Variants in CNTN4 observed in about 807,000 individuals in gnomAD.
CNTN4 encodes contactin 4, also known as contactin-4.
CNTN4 carries 77 observed loss-of-function variants against 122.5 expected under a neutral mutation model. That is an observed-to-expected ratio of 0.63 (90% CI 0.52 to 0.76). The LOEUF is 0.76. Among genes scored for constraint, CNTN4 ranks in the 30% least tolerant of loss-of-function variants. The pLI, the probability that CNTN4 is intolerant of heterozygous loss-of-function variation, is 0.00. For missense variants in CNTN4, 1,256 were observed against 1,259.1 expected, an observed-to-expected ratio of 1.00 and a Z score of 0.04; for synonymous variants, 512 against 447.0, an observed-to-expected ratio of 1.15 and a Z score of -1.83.
At position 2,520,259 on chromosome 3, in the gene CNTN4, C is replaced by CTTTTTT. The variant is rs397988483; in HGVS notation, c.-88-51131_-88-51126dup. Among the ~76,000 whole-genome samples, 152 of 74,464 alleles carry CTTTTTT rather than the reference C, an allele frequency of 2.0e-3. 18 individuals are homozygous for CTTTTTT. Among genetic ancestry groups the CTTTTTT allele is most frequent in the African/African-American group, 8.8e-3 (122 of 13,848 alleles). The allele number at this position is 74,464 out of a possible 152,430, so 48.9% of individuals were successfully genotyped here. A position where few individuals can be genotyped will look rare whatever the true frequency, so the allele number is the denominator to read the frequency against. ...AAAAAGATAGGTTGGTGATTGCTTC[C>CTTTTTT]TTTTTTTTTTTTTTTTTTTTTTTTT... On this transcript the variant is annotated intron_variant, in intron 3 of 24. Coordinates refer to ENST00000418658, the MANE Select transcript of CNTN4 (RefSeq NM_175607.3).
At chr3:2,214,941 A>T (rs890498519) in intron 2 of CNTN4, among the ~76,000 whole-genome samples, 2 of 152,248 alleles carry the variant, frequency 1.3e-5, no homozygotes, top group Admixed American at 1.3e-4. Flanking sequence ...ACTAAATTAT[A>T]AATATTCAAA....
intron 6 of CNTN4, among the ~76,000 whole-genome samples, chr3:2,790,971 T>C (rs747447753): frequency 6.6e-6 from 1 of 152,084 alleles, no homozygotes; most frequent in Non-Finnish European, 1.5e-5. Flanking sequence ...TTAATACTTG[T>C]CTTCTCTGCT....
intron 2 of CNTN4, among the ~76,000 whole-genome samples, chr3:2,178,535 C>T (rs551363545): frequency 6.5e-4 from 99 of 152,050 alleles, no homozygotes; most frequent in African/African-American, 2.3e-3. Flanking sequence ...TTATGTTAGG[C>T]TTGAATCAAT....
intron 6 of CNTN4, among the ~76,000 whole-genome samples, chr3:2,783,665 G>C (rs2091697049): frequency 6.6e-6 from 1 of 152,180 alleles, no homozygotes; most frequent in Non-Finnish European, 1.5e-5. Flanking sequence ...TGAAATGTTT[G>C]CAGTGCTTAG....
chr3:3,005,949 G>A (rs138374134), intron 14 of CNTN4, among the ~76,000 whole-genome samples: 2,090 of 147,998 alleles, frequency 0.014, 57 homozygotes, highest in African/African-American at 0.05. Context: ...GCAGTGGCAC[G>A]ATCTCGGCTC....
intron 2 of CNTN4, among the ~76,000 whole-genome samples, chr3:2,121,864 T>G (rs1025316908): frequency 6.6e-6 from 1 of 150,800 alleles, no homozygotes; most frequent in Non-Finnish European, 1.5e-5. Flanking sequence ...AGTTTGCCAT[T>G]GTACCCCCTT....
rs35069373 is a variant in CNTN4 at position 2,994,594 on chromosome 3, C to CATATATATATATATAT, written c.1486+6127_1486+6142dup. ...TTATGTTTAAATCAACAGATTTTTT[C>CATATATATATATATAT]ATATATATATATATATATATGTGTG... On this transcript the variant is annotated intron_variant, in intron 14 of 24. Transcript: ENST00000418658. 8.0e-3 allele frequency among the ~76,000 whole-genome samples: 1,152 copies of CATATATATATATATAT among 144,574 alleles called. 5 individuals carry two copies. The highest frequency in any genetic ancestry group is 0.012 in the Non-Finnish European group (772 of 66,112). 94.8% of individuals were successfully genotyped at this position (144,574 alleles called of 152,430 possible).
intron 13 of CNTN4, among the ~76,000 whole-genome samples, chr3:2,962,767 G>A (rs922627971): frequency 6.6e-6 from 1 of 152,212 alleles, no homozygotes; most frequent in African/African-American, 2.4e-5. Flanking sequence ...AAGAACATAT[G>A]AGTACTATGA....
At chr3:2,974,619 G>C (rs1167176927) in intron 13 of CNTN4, among the ~76,000 whole-genome samples, 1 of 152,190 alleles carries the variant, frequency 6.6e-6, no homozygotes, top group East Asian at 1.9e-4. Context: ...GAAATGGAGA[G>C]ACGTCAGTTC....
intron 2 of CNTN4, among the ~76,000 whole-genome samples, chr3:2,197,068 A>AAAAG (rs1559333924): frequency 1.4e-5 from 2 of 139,782 alleles, no homozygotes; most frequent in African/African-American, 2.7e-5. Flanking sequence ...AAAAAAAAAA[A>AAAAG]AAGAAGAAGA....
chr3:2,191,016 T>C (rs1171056760), intron 2 of CNTN4, among the ~76,000 whole-genome samples: 1 of 152,160 alleles, frequency 6.6e-6, no homozygotes. Flanking sequence ...GGAATTTTTC[T>C]GATTTCCCAG....
At chr3:3,026,789 A>G (rs1051543575) in intron 15 of CNTN4, among the ~76,000 whole-genome samples, 4 of 152,220 alleles carry the variant, frequency 2.6e-5, no homozygotes, top group Admixed American at 6.5e-5. Flanking sequence ...TACTATCTCC[A>G]GGTAATTTGA....
At chr3:2,802,052 T>C (rs903230911) in intron 6 of CNTN4, among the ~76,000 whole-genome samples, 6 of 152,204 alleles carry the variant, frequency 3.9e-5, no homozygotes, top group African/African-American at 7.2e-5. Flanking sequence ...TACTTCTAAT[T>C]TTGTTCTTGC....
At chr3:2,144,129 C>T (rs2035133138) in intron 2 of CNTN4, 1 of 152,172 alleles carries the variant, frequency 6.6e-6, no homozygotes, top group Non-Finnish European at 1.5e-5. Flanking sequence ...AGCATACCTA[C>T]CTAGTAAGCC....
At chr3:2,732,005 A>C (rs1316851537) in intron 4 of CNTN4, among the ~76,000 whole-genome samples, 1 of 152,172 alleles carries the variant, frequency 6.6e-6, no homozygotes, top group Admixed American at 6.5e-5. Context: ...GCCTTGACAC[A>C]TTCATGTGAG....
intron 4 of CNTN4, among the ~76,000 whole-genome samples, chr3:2,628,539 G>C (rs1020562807): frequency 6.6e-6 from 1 of 152,220 alleles, no homozygotes; most frequent in South Asian, 2.1e-4. Context: ...TGACTACTGA[G>C]AGAAGATTTC....
chr3:2,962,657 A>G (rs1229843878), intron 13 of CNTN4, among the ~76,000 whole-genome samples: 6 of 152,166 alleles, frequency 3.9e-5, no homozygotes, highest in African/African-American at 1.4e-4. Context: ...GGAAGGAGTT[A>G]TGTATGACTA....
intron 3 of CNTN4, among the ~76,000 whole-genome samples, chr3:2,498,816 G>A (rs1225694586): frequency 6.6e-6 from 1 of 151,216 alleles, no homozygotes; most frequent in Admixed American, 6.6e-5. Context: ...TTGAGATGAA[G>A]TCTTGCTCTG....
intron 2 of CNTN4, among the ~76,000 whole-genome samples, chr3:2,310,942 T>C (rs910050177): frequency 1.3e-5 from 2 of 152,072 alleles, no homozygotes; most frequent in African/African-American, 4.8e-5. Context: ...GTTTTGAAAA[T>C]TTCACATTTG....
Sources: allele counts gnomAD v4.1 joint callset (sites outside exome capture counted in the v4.1 genomes callset), GRCh38; gene constraint gnomAD v4.1.1; transcripts MANE v1.5; gene names NCBI Gene and HGNC (gene_info 2026-07-23, HGNC 2026-07-21).